Variants in CFAP299 observed in about 807,000 individuals in gnomAD.
CFAP299 encodes cilia and flagella associated protein 299, also known as cilia- and flagella-associated protein 299.
Under a neutral mutation model 27.0 loss-of-function variants are expected in CFAP299, and 21 were observed. That is an observed-to-expected ratio of 0.78 (90% CI 0.55 to 1.12). The LOEUF (loss-of-function observed/expected upper bound fraction) is 1.12. Among genes scored for constraint, CFAP299 ranks in the 50% most tolerant of loss-of-function variants. The pLI, the probability that CFAP299 is intolerant of heterozygous loss-of-function variation, is 0.00. For synonymous variants in CFAP299, 104 were observed against 98.1 expected (o/e 1.06, Z -0.36); for missense variants, 310 against 276.6 (o/e 1.12, Z -0.86).
At chr4:80,463,488 G>A (rs543155272) in intron 2 of CFAP299, among the ~76,000 whole-genome samples, 11 of 152,100 alleles carry the variant, frequency 7.2e-5, no homozygotes, top group East Asian at 1.9e-4. Flanking sequence ...TTGGGCTGCC[G>A]TAACAAAATA....
At chr4:80,504,503 A>T (rs563704248) in intron 2 of CFAP299, among the ~76,000 whole-genome samples, 32 of 119,622 alleles carry the variant, frequency 2.7e-4, no homozygotes, top group African/African-American at 5.8e-4. Flanking sequence ...ATATATATAT[A>T]TATTTTCCTT....
rs1732985415 is a variant in CFAP299 at position 80,869,995 on chromosome 4, C to T, written c.336C>T (p.Ser112=). The change falls in exon 4 of 6, where the codon TCC becomes TCT. Residue 112 remains serine, a splice_region_variant and synonymous_variant. Transcript: ENST00000358105. ...EEDNRSGKLS[S]VIFIRDRNSH... is the part of the protein sequence containing the mutation. ...TATTCTCTATTCTGTGCTACCAGTC[C>T]GTGATCTTTATTCGTGACAGAAATT... 23 of 1,608,640 alleles carry T rather than the reference C, an allele frequency of 1.4e-5. No homozygotes were observed. The highest frequency in any genetic ancestry group is 2.2e-5 in the East Asian group (1 of 44,796).
intron 1 of CFAP299, among the ~76,000 whole-genome samples, chr4:80,362,048 A>G (rs1012366122): frequency 6.6e-6 from 1 of 152,022 alleles, no homozygotes; most frequent in South Asian, 2.1e-4. Flanking sequence ...TAAGTATACC[A>G]TGCAACTGAC....
intron 2 of CFAP299, among the ~76,000 whole-genome samples, chr4:80,480,390 A>T (rs1730503109): frequency 6.6e-6 from 1 of 152,004 alleles, no homozygotes; most frequent in Admixed American, 6.6e-5. Context: ...AGGATGAAAA[A>T]GGAAGCAAAG....
At chr4:80,329,468 G>A in the CFAP299 span, among the ~76,000 whole-genome samples, 2 of 151,976 alleles carry the variant, frequency 1.3e-5, no homozygotes, top group African/African-American at 4.8e-5. Context: ...CCTTACTGAG[G>A]TAATTTACAT....
At chr4:80,560,191 A>C (rs1734972872) in intron 2 of CFAP299, among the ~76,000 whole-genome samples, 1 of 151,970 alleles carries the variant, frequency 6.6e-6, no homozygotes. Flanking sequence ...TTCAGGTCCT[A>C]ACTTCTAGAC....
intron 3 of CFAP299, among the ~76,000 whole-genome samples, chr4:80,759,081 A>C (rs753357206): frequency 2.7e-4 from 41 of 152,222 alleles, no homozygotes; most frequent in Non-Finnish European, 4.9e-4. Flanking sequence ...GGCCACAAAA[A>C]GACATAAAAC....
intron 3 of CFAP299, among the ~76,000 whole-genome samples, chr4:80,598,499 C>A (rs1737169135): frequency 6.6e-6 from 1 of 152,110 alleles, no homozygotes; most frequent in African/African-American, 2.4e-5. Context: ...GTTTGAATAT[C>A]AAAACAGCAA....
intron 4 of CFAP299, among the ~76,000 whole-genome samples, chr4:80,880,725 C>T (rs1196482204): frequency 6.9e-6 from 1 of 144,098 alleles, no homozygotes; most frequent in Non-Finnish European, 1.5e-5. Flanking sequence ...GACTCCGTCT[C>T]AAAAAATAAA....
At chr4:80,473,578 AT>A (rs533902946) in intron 2 of CFAP299, among the ~76,000 whole-genome samples, 12 of 149,524 alleles carry the variant, frequency 8.0e-5, no homozygotes, top group East Asian at 2.0e-4. Context: ...AAAAAAATAG[AT>A]TTTTTTTTTG....
chr4:80,703,796 C>G (rs1355187299), intron 3 of CFAP299, among the ~76,000 whole-genome samples: 1 of 151,652 alleles, frequency 6.6e-6, no homozygotes, highest in African/African-American at 2.4e-5. Context: ...CACCATCCTG[C>G]CTTTGCTCTT....
At chr4:80,865,470 T>C (rs1209568575) in intron 3 of CFAP299, among the ~76,000 whole-genome samples, 1 of 152,184 alleles carries the variant, frequency 6.6e-6, no homozygotes, top group Non-Finnish European at 1.5e-5. Flanking sequence ...TCATTTCTTC[T>C]GCCTCTATAA....
At chr4:80,468,161 T>A (rs1469528348) in intron 2 of CFAP299, among the ~76,000 whole-genome samples, 1 of 152,174 alleles carries the variant, frequency 6.6e-6, no homozygotes, top group Non-Finnish European at 1.5e-5. Flanking sequence ...GTAATCCGGA[T>A]TTTTTACTTA....
chr4:80,758,368 A>G (rs187979640), intron 3 of CFAP299, among the ~76,000 whole-genome samples: 182 of 152,246 alleles, frequency 1.2e-3, no homozygotes, highest in African/African-American at 4.3e-3. Flanking sequence ...CTTCTCTCCA[A>G]TGGCCAGCCA....
rs1159004075 is a variant in CFAP299 at position 80,936,252 on chromosome 4, A to C, written c.477-8558A>C. On this transcript the variant is annotated intron_variant, in intron 4 of 5. Coordinates refer to ENST00000358105, the MANE Select transcript of CFAP299 (RefSeq NM_152770.3). ...GTGCTGATTCCTCAATGACCTAAAAACAGAAATACCATTTGACCCAGGAAT... is the reference window on the plus strand; with the variant it reads ...GTGCTGATTCCTCAATGACCTAAAACCAGAAATACCATTTGACCCAGGAAT... Among the ~76,000 whole-genome samples the C allele has an allele frequency of 2.6e-5, 4 of 152,130 alleles. 1 individual carries two copies. The South Asian group carries it at 6.2e-4, about 24-fold the overall frequency.
At chr4:80,363,471 A>T (rs903063816) in intron 2 of CFAP299, among the ~76,000 whole-genome samples, 8 of 152,184 alleles carry the variant, frequency 5.3e-5, no homozygotes, top group African/African-American at 1.9e-4. Context: ...CAAATTAATA[A>T]CCTATTTCAT....
chr4:80,800,550 C>CATATATTATAT (rs1728477501), intron 3 of CFAP299, among the ~76,000 whole-genome samples: 1 of 18,744 alleles, frequency 5.3e-5, no homozygotes, highest in African/African-American at 3.2e-4. Flanking sequence ...TATAATATAT[C>CATATATTATAT]AATATATTAT....
chr4:80,611,661 A>G (rs1737987873), intron 3 of CFAP299, among the ~76,000 whole-genome samples: 1 of 152,068 alleles, frequency 6.6e-6, no homozygotes, highest in African/African-American at 2.4e-5. Flanking sequence ...TCAAAATTGC[A>G]ATTTGCTTTT....
At chr4:80,604,780 G>A (rs532669773) in intron 3 of CFAP299, among the ~76,000 whole-genome samples, 3 of 151,794 alleles carry the variant, frequency 2.0e-5, no homozygotes, top group African/African-American at 7.2e-5. Flanking sequence ...ATCAAAAAAC[G>A]AAGTATAAAT....
Sources: allele counts gnomAD v4.1 joint callset (sites outside exome capture counted in the v4.1 genomes callset), GRCh38; gene constraint gnomAD v4.1.1; transcripts MANE v1.5; gene names NCBI Gene and HGNC (gene_info 2026-07-23, HGNC 2026-07-21).